Variants in MUC12 observed in about 807,000 individuals in gnomAD.
MUC12 encodes the protein mucin 12, cell surface associated, also known as mucin-12.
A neutral mutation model predicts 230.8 loss-of-function variants in MUC12; 172 were observed. That is an observed-to-expected ratio of 0.75 (90% CI 0.66 to 0.85). The LOEUF (loss-of-function observed/expected upper bound fraction) is 0.85, where lower values mean the gene tolerates loss of function less well. Ranked by LOEUF, MUC12 falls within the 40% of genes least tolerant of loss-of-function variation. The pLI is 0.00. For missense variants in MUC12, 3,506 were observed against 5,920.6 expected, an observed-to-expected ratio of 0.59 and a Z score of 13.38; for synonymous variants, 1,259 against 2,401.9, an observed-to-expected ratio of 0.52 and a Z score of 13.91.
In MUC12 at chr7:100,992,707, C is replaced by G; in HGVS notation, c.2144C>G (p.Thr715Arg). ...ACTTCAGGCCGTGGTGAAGAATCAA[C>G]AACTTCCCACAGCAGCACAACACAC... is the stretch of plus-strand genomic sequence containing the variant. ...DTTSGRGEES[T>R]TSHSSTTHTI... Residue 715 changes from threonine (T) to arginine (R), a missense_variant, in exon 2 of 12, where the codon ACA (threonine) becomes AGA (arginine). Physicochemically the swap from Thr to Arg is moderately conservative, Grantham distance 71 (BLOSUM62 -1). Transcript: ENST00000536621. 9 of 1,536,220 alleles carry G rather than the reference C, an allele frequency of 5.9e-6. No homozygotes were observed. Among genetic ancestry groups the G allele is most frequent in the African/African-American group, 1.4e-5 (1 of 72,430 alleles).
chr7:101,005,226 C>G lies in MUC12; in HGVS notation c.14663C>G (p.Thr4888Ser). The change falls in exon 2 of 12, where the codon ACT becomes AGT. Residue 4888 changes from threonine to serine, a missense_variant. Transcript: ENST00000536621. ...CCCTTCCCTGACAGCCCAGGCTTCACTCACACAGTGTTACCTGCCACCCTC... is the reference window on the plus strand; with the variant it reads ...CCCTTCCCTGACAGCCCAGGCTTCAGTCACACAGTGTTACCTGCCACCCTC... ...STPFPDSPGF[T>S]HTVLPATLTT... 1 of 1,537,900 alleles carries G rather than the reference C, an allele frequency of 6.5e-7. No individual in the cohort carries two copies. Among genetic ancestry groups the G allele is most frequent in the Non-Finnish European group, 8.7e-7 (1 of 1,147,054 alleles).
intron 3 of MUC12, among the ~76,000 whole-genome samples, chr7:101,008,217 C>T (rs1006269099): frequency 2.0e-5 from 3 of 152,120 alleles, no homozygotes; most frequent in Admixed American, 6.5e-5. Context: ...GCCTCGAACT[C>T]CTGGGCTCAA....
chr7:100,974,090 A>C (rs961271163), intron 1 of MUC12, among the ~76,000 whole-genome samples: 2 of 152,172 alleles, frequency 1.3e-5, no homozygotes, highest in African/African-American at 4.8e-5. Context: ...TCGAGACTGC[A>C]GTGAGCTGTG....
chr7:101,018,924 A>C lies in MUC12; in HGVS notation c.*288A>C. 7.4e-5 allele frequency: 29 copies of C among 389,790 alleles called. No individual in the cohort carries two copies. The highest frequency in any genetic ancestry group is 1.3e-4 in the East Asian group (3 of 22,864). The allele number at this position is 389,790 out of a possible 1,614,324, so 24.1% of individuals were successfully genotyped here. ...GGAATTTCCCTACCAATAAAAGCAA[A>C]TCTGAAAGCTCAGAATGAGAAGTGA... On this transcript the variant is annotated 3_prime_UTR_variant, in exon 12 of 12. Transcript: ENST00000536621.
chr7:101,009,064 T>C (rs180758181), intron 4 of MUC12, 31 bp from the exon 5 acceptor site: 10 of 1,536,026 alleles, frequency 6.5e-6, no homozygotes, highest in South Asian at 3.6e-5. Flanking sequence ...GCTCTAGCTT[T>C]GTGTGACCTT....
intron 1 of MUC12, among the ~76,000 whole-genome samples, chr7:100,986,522 A>C (rs113392352): frequency 0.02 from 3,119 of 152,244 alleles, 102 homozygotes; most frequent in African/African-American, 0.071. Context: ...AAAAAATCTT[A>C]GGCATCATTG....
intron 1 of MUC12, among the ~76,000 whole-genome samples, chr7:100,980,445 A>G (rs1000814423): frequency 6.6e-6 from 1 of 152,144 alleles, no homozygotes; most frequent in South Asian, 2.1e-4. Context: ...TTAATGGCTG[A>G]TTACTATTCT....
In MUC12 at chr7:100,988,773, A is replaced by G. The variant is rs1051960966; in HGVS notation, c.68-1858A>G. ...TTGGCTGTGTCCCCACTCAAATCTC[A>G]TCTTGAATTGTAGCTCCCACAATTC... On this transcript the variant is annotated intron_variant, in intron 1 of 11. Transcript: ENST00000536621. Among the ~76,000 whole-genome samples the G allele has an allele frequency of 4.6e-5, 7 of 152,224 alleles. 1 individual carries two copies. Among genetic ancestry groups the G allele is most frequent in the Admixed American group, 4.6e-4 (7 of 15,296 alleles).
rs143873573 is a variant in MUC12, at chr7:101,005,013, C to G, written c.14450C>G (p.Ser4817Cys). 4.8e-5 allele frequency: 74 copies of G among 1,537,636 alleles called. 1 individual carries two copies. In the Middle Eastern group the frequency reaches 2.0e-3, roughly 42 times the overall value. The change falls in exon 2 of 12, where the codon TCT becomes TGT. Residue 4817 changes from serine to cysteine, a missense_variant. Ser to Cys is a moderately radical substitution (Grantham distance 112, BLOSUM62 -1). Transcript: ENST00000536621. ...TLSPGSITTSSFAQEFTTPHS... is the reference protein window; with the variant it reads ...TLSPGSITTSCFAQEFTTPHS... Reference sequence around the variant, plus strand: ...TCCCCTGGCAGCATCACAACTTCATCTTTTGCTCAAGAATTTACCACCCCT... The same window carrying G: ...TCCCCTGGCAGCATCACAACTTCATGTTTTGCTCAAGAATTTACCACCCCT...
At position 100,991,708 on chromosome 7, in the gene MUC12, A is replaced by T. The variant is rs559934901; in HGVS notation, c.1145A>T (p.His382Leu). The change falls in exon 2 of 12, where the codon CAT becomes CTT. Residue 382 changes from histidine (H) to leucine (L), a missense_variant. Physicochemically the swap from His to Leu is moderately conservative, Grantham distance 99. Coordinates refer to ENST00000536621, the MANE Select transcript of MUC12 (RefSeq NM_001164462.2). ...HFPESSTTSG[H>L]SEESATFHGS... ...CCTGAAAGCTCCACAACTTCAGGCCATAGTGAAGAATCAGCAACTTTCCAC... is the reference window on the plus strand; with the variant it reads ...CCTGAAAGCTCCACAACTTCAGGCCTTAGTGAAGAATCAGCAACTTTCCAC... 1.3e-6 allele frequency: 2 copies of T among 1,537,756 alleles called. No individual in the cohort carries two copies. Among genetic ancestry groups the T allele is most frequent in the South Asian group, 1.2e-5 (1 of 84,062 alleles).
At position 100,985,220 on chromosome 7, in the gene MUC12, G is replaced by A. The variant is rs544773083; in HGVS notation, c.68-5411G>A. Among the ~76,000 whole-genome samples, 8 of 152,198 alleles carry A rather than the reference G, an allele frequency of 5.3e-5. No individual in the cohort carries two copies. The East Asian group carries it at 1.5e-3, about 29-fold the overall frequency. On this transcript the variant is annotated intron_variant, in intron 1 of 11. Coordinates refer to ENST00000536621, the MANE Select transcript of MUC12 (RefSeq NM_001164462.2). ...TTGGGGGAGCCAGTGAGTCAGGAGT[G>A]CTGATTGCAAAGGGATGAAATCACA...
rs925614641 is a variant in MUC12 at position 101,006,585 on chromosome 7, T to C, written c.15058+13T>C. On this transcript the variant is annotated intron_variant, in intron 3 of 11. Transcript: ENST00000536621. ...TCCTTCCCTGTAGGTAATGACCTTTTCTGAGACCTGCAGCTCTTTGCAGGC... is the reference window on the plus strand; with the variant it reads ...TCCTTCCCTGTAGGTAATGACCTTTCCTGAGACCTGCAGCTCTTTGCAGGC... The C allele has an allele frequency of 4.0e-6, 6 of 1,508,284 alleles. No homozygotes were observed. The highest frequency in any genetic ancestry group is 5.4e-6 in the Non-Finnish European group (6 of 1,120,706). The allele number at this position is 1,508,284 out of a possible 1,614,324, so 93.4% of individuals were successfully genotyped here.
chr7:101,018,781 G>C lies in MUC12; in HGVS notation c.*145G>C, dbSNP rs1794002723. On this transcript the variant is annotated 3_prime_UTR_variant, in exon 12 of 12. Transcript: ENST00000536621. ...TGCTCTGAGCTGACAGACTTGGCCAGTCCCCTGCCTGTGCTCCTGCTGGGG... is the reference window on the plus strand; with the variant it reads ...TGCTCTGAGCTGACAGACTTGGCCACTCCCCTGCCTGTGCTCCTGCTGGGG... 1 of 763,838 alleles carries C rather than the reference G, an allele frequency of 1.3e-6. No individual in the cohort carries two copies. Among genetic ancestry groups the C allele is most frequent in the South Asian group, 2.3e-5 (1 of 44,116 alleles). The allele number at this position is 763,838 out of a possible 1,614,324, so 47.3% of individuals were successfully genotyped here. A position where few individuals can be genotyped will look rare whatever the true frequency, so the allele number is the denominator to read the frequency against.
chr7:101,014,675 A>G (rs1403325970), intron 9 of MUC12, among the ~76,000 whole-genome samples: 1 of 152,094 alleles, frequency 6.6e-6, no homozygotes, highest in Non-Finnish European at 1.5e-5. Flanking sequence ...ACGGGGTTTC[A>G]CCATGTTGGC....
Position 101,001,274 on chromosome 7 carries a change from T to G in MUC12, c.10711T>G (p.Phe3571Val). ...CCCTGGCAGTACCACAGCCTTATCC[T>G]TTGGTCAAGAATCTACAACCTTCCA... Reference protein sequence around the residue: ...LSPGSTTALSFGQESTTFHSS... With the variant: ...LSPGSTTALSVGQESTTFHSS... Residue 3571 changes from phenylalanine to valine, a missense_variant, in exon 2 of 12, where the codon TTT becomes GTT. Physicochemically the swap from Phe to Val is conservative, Grantham distance 50. Transcript: ENST00000536621. 1 of 1,530,942 alleles carries G rather than the reference T, an allele frequency of 6.5e-7. No individual in the cohort carries two copies. The highest frequency in any genetic ancestry group is 8.7e-7 in the Non-Finnish European group (1 of 1,145,086). 94.8% of individuals were successfully genotyped at this position (1,530,942 alleles called of 1,614,324 possible).
chr7:100,993,056 A>G lies in MUC12; in HGVS notation c.2493A>G (p.Arg831=). The change falls in exon 2 of 12, where the codon AGA becomes AGG. Residue 831 remains arginine (R), a synonymous_variant. Transcript: ENST00000536621. The part of the protein sequence containing the change: ...ERSTTFHSSP[R]SPATTLSPAS... ...CTACCACTTTCCATAGTAGCCCCAGATCACCAGCCACAACACTCTCACCTG... is the reference window on the plus strand; with the variant it reads ...CTACCACTTTCCATAGTAGCCCCAGGTCACCAGCCACAACACTCTCACCTG... The G allele has an allele frequency of 6.5e-7, 1 of 1,535,566 alleles. No individual in the cohort carries two copies. The highest frequency in any genetic ancestry group is 8.7e-7 in the Non-Finnish European group (1 of 1,146,950).
chr7:101,013,749 C>T (rs981674450), intron 8 of MUC12, among the ~76,000 whole-genome samples, 164 bp from the exon 9 acceptor site: 4 of 152,150 alleles, frequency 2.6e-5, no homozygotes, highest in African/African-American at 9.7e-5. Context: ...CCCTCAGTGC[C>T]CATCAGCCTG....
intron 1 of MUC12, chr7:100,981,248 G>A: frequency 4.9e-6 from 2 of 409,664 alleles, no homozygotes; most frequent in Non-Finnish European, 8.6e-6. Context: ...AGGTTGAACT[G>A]GAGAAGGACC....
At chr7:101,009,028 A>G in intron 4 of MUC12, 67 bp from the exon 5 acceptor site, 1 of 1,510,774 alleles carries the variant, frequency 6.6e-7, no homozygotes. Context: ...GGGCTGCCTC[A>G]AGAAGGGTAA....
Sources: allele counts gnomAD v4.1 joint callset (sites outside exome capture counted in the v4.1 genomes callset), GRCh38; gene constraint gnomAD v4.1.1; transcripts MANE v1.5; gene names NCBI Gene and HGNC (gene_info 2026-07-23, HGNC 2026-07-21).